The following IKZF2 variants were observed in gnomAD, a reference collection of about 807,000 sequenced individuals.
The protein encoded by IKZF2 is zinc finger protein Helios.
In IKZF2, 15 loss-of-function variants were observed where a neutral mutation model predicts 49.2. The ratio of observed to expected loss-of-function variants is 0.30; its 90% CI spans 0.20 to 0.47. The LOEUF is 0.47. Among genes scored for constraint, IKZF2 ranks in the 20% least tolerant of loss-of-function variants. IKZF2 has a pLI of 1.00. For missense variants in IKZF2, 567 were observed against 664.6 expected, an observed-to-expected ratio of 0.85 and a Z score of 1.61; for synonymous variants, 227 against 221.4, an observed-to-expected ratio of 1.03 and a Z score of -0.23.
At chr2:213,096,343 C>T (rs145989571) in intron 4 of IKZF2, among the ~76,000 whole-genome samples, 2 of 151,996 alleles carry the variant, frequency 1.3e-5, no homozygotes, top group African/African-American at 2.4e-5. Flanking sequence ...AACAATGCCT[C>T]ATTATATAAA....
chr2:213,116,021 G>A (rs2059859031), intron 4 of IKZF2, among the ~76,000 whole-genome samples: 1 of 152,092 alleles, frequency 6.6e-6, no homozygotes, highest in African/African-American at 2.4e-5. Flanking sequence ...GCAAAGCACT[G>A]TTTGAACCTC....
chr2:213,086,790 G>A (rs780406078), intron 4 of IKZF2, among the ~76,000 whole-genome samples: 25 of 152,134 alleles, frequency 1.6e-4, no homozygotes, highest in Non-Finnish European at 3.4e-4. Context: ...TGGAATGGGA[G>A]TGGAGGGGGG....
chr2:213,093,110 T>A (rs1306702400), intron 4 of IKZF2, among the ~76,000 whole-genome samples: 2 of 152,164 alleles, frequency 1.3e-5, no homozygotes, highest in East Asian at 1.9e-4. Context: ...CACTTCTAGA[T>A]TTAAATATCT....
At chr2:213,068,105 C>T (rs1452533926) in intron 4 of IKZF2, among the ~76,000 whole-genome samples, 2 of 152,022 alleles carry the variant, frequency 1.3e-5, no homozygotes, top group Non-Finnish European at 2.9e-5. Context: ...GATGACTATG[C>T]ACCATAGAAA....
At chr2:213,055,812 T>C (rs951693490) in intron 5 of IKZF2, among the ~76,000 whole-genome samples, 21 of 152,166 alleles carry the variant, frequency 1.4e-4, no homozygotes, top group African/African-American at 4.8e-4. Context: ...GTATCTTTAA[T>C]GTTTTAAGCA....
At chr2:213,141,951 A>AC (rs1156349206) in intron 4 of IKZF2, among the ~76,000 whole-genome samples, 2 of 151,856 alleles carry the variant, frequency 1.3e-5, no homozygotes, top group Non-Finnish European at 2.9e-5. Context: ...CTAAACTACT[A>AC]CCCCCGAAGT....
chr2:213,076,818 G>T (rs1242861293), intron 4 of IKZF2, among the ~76,000 whole-genome samples: 3 of 152,184 alleles, frequency 2.0e-5, no homozygotes. Flanking sequence ...CAGGAGAAGG[G>T]CGTGAACCCA....
intron 6 of IKZF2, among the ~76,000 whole-genome samples, chr2:213,035,299 A>AT (rs915477291): frequency 2.0e-5 from 3 of 151,804 alleles, no homozygotes; most frequent in East Asian, 1.9e-4. Flanking sequence ...ATATTATATG[A>AT]TTTTTTAACT....
intron 4 of IKZF2, among the ~76,000 whole-genome samples, chr2:213,133,694 C>T (rs187839670): frequency 6.0e-4 from 64 of 106,054 alleles, no homozygotes; most frequent in East Asian, 5.4e-3. Flanking sequence ...AGATAGACTC[C>T]GTCTCGAAAA....
intron 4 of IKZF2, among the ~76,000 whole-genome samples, chr2:213,064,803 A>T (rs1281795510): frequency 6.6e-6 from 1 of 151,972 alleles, no homozygotes; most frequent in Non-Finnish European, 1.5e-5. Flanking sequence ...TCTCACCTGG[A>T]ACAATATCAG....
intron 6 of IKZF2, among the ~76,000 whole-genome samples, chr2:213,048,546 A>G (rs1700384437): frequency 6.6e-6 from 1 of 152,120 alleles, no homozygotes; most frequent in Non-Finnish European, 1.5e-5. Context: ...CTGCTTTAAG[A>G]TATAATTTTG....
intron 4 of IKZF2, among the ~76,000 whole-genome samples, chr2:213,082,057 G>A (rs965809207): frequency 2.0e-5 from 3 of 152,182 alleles, no homozygotes; most frequent in African/African-American, 7.2e-5. Flanking sequence ...TCATGATCAA[G>A]TTAAAGGCAA....
At position 213,007,834 on chromosome 2, in the gene IKZF2, G is replaced by C; in HGVS notation, c.1107C>G (p.Ser369Arg). The change falls in exon 9 of 9, where the codon AGC becomes AGG. Residue 369 changes from serine (S) to arginine (R), a missense_variant. Physicochemically the swap from Ser to Arg is moderately radical, Grantham distance 110. Around this residue, in one of 5 missense-constraint regions of IKZF2, gnomAD observed 310 missense variants for 326.9 expected, o/e 0.95. Transcript: ENST00000434687. Reference protein sequence around the residue: ...YHPNRIERPISRETADSHENN... With the variant: ...YHPNRIERPIRRETADSHENN... Reference sequence around the variant, plus strand: ...TTTCATGACTATCAGCAGTTTCCCTGCTAATGGGTCTTTCTATCCTATTTG... The same window carrying C: ...TTTCATGACTATCAGCAGTTTCCCTCCTAATGGGTCTTTCTATCCTATTTG... 1 of 1,613,606 alleles carries C rather than the reference G, an allele frequency of 6.2e-7. No individual in the cohort carries two copies. The highest frequency in any genetic ancestry group is 8.5e-7 in the Non-Finnish European group (1 of 1,179,746).
chr2:213,054,187 T>G (rs1204832159), intron 5 of IKZF2, among the ~76,000 whole-genome samples: 1 of 151,980 alleles, frequency 6.6e-6, no homozygotes, highest in African/African-American at 2.4e-5. Flanking sequence ...GAGGGTGCAG[T>G]GATCCAAGAT....
At chr2:213,103,079 A>C (rs1183488783) in intron 4 of IKZF2, among the ~76,000 whole-genome samples, 1 of 152,182 alleles carries the variant, frequency 6.6e-6, no homozygotes. Context: ...AATACCGTAG[A>C]GGGGGCTTAA....
chr2:213,150,284 T>A, intron 1 of IKZF2, 37 bp from the exon 2 acceptor site: 1 of 815,026 alleles, frequency 1.2e-6, no homozygotes, highest in Non-Finnish European at 1.8e-6. Flanking sequence ...AGAAGTTTTT[T>A]GTGTTTCCCC....
chr2:213,111,119 A>AT (rs2059690774), intron 4 of IKZF2, among the ~76,000 whole-genome samples: 1 of 151,978 alleles, frequency 6.6e-6, no homozygotes, highest in African/African-American at 2.4e-5. Flanking sequence ...AGAAATTTTT[A>AT]TTATTTTAAA....
In IKZF2 at chr2:213,049,786, C is replaced by T. The variant is rs371807040; in HGVS notation, c.501G>A (p.Pro167=). 2.7e-5 allele frequency: 43 copies of T among 1,611,116 alleles called. No homozygotes were observed. Among genetic ancestry groups the T allele is most frequent in the East Asian group, 8.9e-5 (4 of 44,822 alleles). ...CGTAGCTACAGAAAGGACATTTGAA[C>T]GGCTTCTCTCCAGAGTGTAACTTTA... The part of the protein sequence containing the change: ...RHIKLHSGEK[P]FKCPFCSYAC... Residue 167 remains proline (P), a synonymous_variant, in exon 6 of 9, where the codon CCG becomes CCA. Transcript: ENST00000434687.
In IKZF2 at chr2:213,007,857, T is replaced by C. The variant is rs34275820; in HGVS notation, c.1084A>G (p.Asn362Asp). Residue 362 changes from asparagine to aspartate, a missense_variant, in exon 9 of 9, where the codon AAT becomes GAT. Physicochemically the swap from Asn to Asp is conservative, Grantham distance 23. Transcript: ENST00000434687. ...CTGCTAATGGGTCTTTCTATCCTAT[T>C]TGGATGATAGACCTGAGAATAAGCT... ...SSAYSQVYHPNRIERPISRET... is the reference protein window; with the variant it reads ...SSAYSQVYHPDRIERPISRET... 8.1e-6 allele frequency: 13 copies of C among 1,613,444 alleles called. No homozygotes were observed. The African/African-American group carries it at 1.7e-4, about 22-fold the overall frequency.
Sources: allele counts gnomAD v4.1 joint callset (sites outside exome capture counted in the v4.1 genomes callset), GRCh38; gene constraint gnomAD v4.1.1; regional missense constraint gnomAD v4.1.1; transcripts MANE v1.5; gene names NCBI Gene and HGNC (gene_info 2026-07-23, HGNC 2026-07-21).